Variants in PEX7 observed in about 807,000 individuals in gnomAD.
PEX7 encodes the protein PTS2 receptor.
PEX7 carries 34 observed loss-of-function variants against 47.5 expected under a neutral mutation model. The ratio of observed to expected loss-of-function variants is 0.72; its 90% CI spans 0.54 to 0.95. The LOEUF is 0.95. PEX7 is among the 40% of genes least tolerant of loss of function. The probability of loss-of-function intolerance (pLI) is 0.00; values close to 1 mark genes in which losing one functional copy is unlikely to be tolerated. For missense variants in PEX7, 394 were observed against 400.3 expected (o/e 0.98, Z 0.13); for synonymous variants, 141 against 148.8 (o/e 0.95, Z 0.38).
At chr6:136,902,707 T>TA (rs1158716089) in intron 9 of PEX7, among the ~76,000 whole-genome samples, 5 of 152,196 alleles carry the variant, frequency 3.3e-5, no homozygotes, top group African/African-American at 1.2e-4. Flanking sequence ...ATAATACACC[T>TA]ATTTATATAA....
intron 3 of PEX7, among the ~76,000 whole-genome samples, chr6:136,840,840 T>C (rs749182355): frequency 2.0e-5 from 3 of 152,174 alleles, no homozygotes; most frequent in Non-Finnish European, 4.4e-5. Context: ...GAGCCTTTCA[T>C]CTCGGGTCTG....
Position 136,885,392 on chromosome 6 carries a change from A to G in PEX7, c.804-12750A>G, listed in dbSNP as rs140477314. Among the ~76,000 whole-genome samples the G allele has an allele frequency of 1.9e-3, 294 of 152,254 alleles. 2 individuals are homozygous for G. The highest frequency in any genetic ancestry group is 6.3e-3 in the African/African-American group (263 of 41,566). Reference sequence around the variant, plus strand: ...CCAAGCACTTAATTTTTTTAGACATATGGATTTGGGGGCAAGAAAAATATA... The same window carrying G: ...CCAAGCACTTAATTTTTTTAGACATGTGGATTTGGGGGCAAGAAAAATATA... On this transcript the variant is annotated intron_variant, in intron 8 of 9. Coordinates refer to ENST00000318471, the MANE Select transcript of PEX7 (RefSeq NM_000288.4).
intron 8 of PEX7, among the ~76,000 whole-genome samples, chr6:136,881,031 G>A (rs943834331): frequency 3.3e-5 from 5 of 152,180 alleles, no homozygotes; most frequent in African/African-American, 9.6e-5. Context: ...GAAGAAACTG[G>A]AACTGTGGAG....
chr6:136,832,857 C>T (rs1774319301), intron 3 of PEX7, among the ~76,000 whole-genome samples: 1 of 152,224 alleles, frequency 6.6e-6, no homozygotes, highest in African/African-American at 2.4e-5. Flanking sequence ...TTTGAGACCA[C>T]CTCAGCCTGA....
At chr6:136,836,552 G>A (rs1237674140) in intron 3 of PEX7, among the ~76,000 whole-genome samples, 1 of 152,136 alleles carries the variant, frequency 6.6e-6, no homozygotes, top group Non-Finnish European at 1.5e-5. Flanking sequence ...TTAATCTAAA[G>A]ATCTATCAAA....
chr6:136,862,006 A>T (rs538113341), intron 5 of PEX7, among the ~76,000 whole-genome samples: 200 of 142,416 alleles, frequency 1.4e-3, no homozygotes, highest in Non-Finnish European at 1.7e-3. Context: ...ATATATATAT[A>T]TTTTTTCTGT....
intron 5 of PEX7, among the ~76,000 whole-genome samples, chr6:136,862,975 G>A (rs1774993391): frequency 6.6e-6 from 1 of 152,196 alleles, no homozygotes; most frequent in Non-Finnish European, 1.5e-5. Context: ...GAAGGCTGGA[G>A]AAAGTCATGA....
At chr6:136,908,833 C>T (rs186239274) in intron 9 of PEX7, among the ~76,000 whole-genome samples, 1 of 152,278 alleles carries the variant, frequency 6.6e-6, no homozygotes, top group East Asian at 1.9e-4. Flanking sequence ...GGATGTATCC[C>T]ACTGCCTAGA....
chr6:136,898,312 T>C, intron 9 of PEX7, 71 bp downstream of exon 9: 1 of 929,456 alleles, frequency 1.1e-6, no homozygotes. Flanking sequence ...CATGCATTGC[T>C]TTTATGAATA....
chr6:136,880,405 G>A (rs778411266), intron 8 of PEX7, among the ~76,000 whole-genome samples: 2 of 152,094 alleles, frequency 1.3e-5, no homozygotes, highest in Non-Finnish European at 1.5e-5. Flanking sequence ...CTCATAGGAT[G>A]CACTTTCTCT....
At chr6:136,880,470 T>C (rs1455391355) in intron 8 of PEX7, among the ~76,000 whole-genome samples, 1 of 152,218 alleles carries the variant, frequency 6.6e-6, no homozygotes, top group East Asian at 1.9e-4. Flanking sequence ...CTGCCCTCTC[T>C]GTACCATTCA....
chr6:136,841,238 G>A (rs1178340525), intron 3 of PEX7, among the ~76,000 whole-genome samples: 1 of 152,118 alleles, frequency 6.6e-6, no homozygotes, highest in Non-Finnish European at 1.5e-5. Context: ...AGAGCTTGAG[G>A]TTAATGCCCA....
intron 3 of PEX7, among the ~76,000 whole-genome samples, chr6:136,842,405 T>C (rs1299259739): frequency 2.0e-5 from 3 of 152,242 alleles, no homozygotes; most frequent in Non-Finnish European, 4.4e-5. Flanking sequence ...AGAAGACAGC[T>C]GACAGCAACA....
chr6:136,838,201 A>C (rs1774429954), intron 3 of PEX7, among the ~76,000 whole-genome samples: 1 of 152,216 alleles, frequency 6.6e-6, no homozygotes. Flanking sequence ...AGGATCACTA[A>C]AAGTGGGTCA....
Position 136,830,149 on chromosome 6 carries a change from T to A in PEX7, c.339+3680T>A, listed in dbSNP as rs912980902. 37 of 666,106 alleles carry A rather than the reference T, an allele frequency of 5.6e-5. 2 individuals carry two copies. Among genetic ancestry groups the A allele is most frequent in the South Asian group, 3.0e-4 (18 of 60,666 alleles). The allele number at this position is 666,106 out of a possible 1,614,324, so 41.3% of individuals were successfully genotyped here. A position where few individuals can be genotyped will look rare whatever the true frequency, so the allele number is the denominator to read the frequency against. ...TCCCAGCTTTGTAAGTTACCTGTTGTGAGACCTTGCGTATGTCACATATTT... is the reference window on the plus strand; with the variant it reads ...TCCCAGCTTTGTAAGTTACCTGTTGAGAGACCTTGCGTATGTCACATATTT... On this transcript the variant is annotated intron_variant, in intron 3 of 9. Coordinates refer to ENST00000318471, the MANE Select transcript of PEX7 (RefSeq NM_000288.4).
At chr6:136,877,987 T>G (rs1368038237) in intron 8 of PEX7, among the ~76,000 whole-genome samples, 1 of 152,200 alleles carries the variant, frequency 6.6e-6, no homozygotes, top group Non-Finnish European at 1.5e-5. Context: ...CCTTGAGCAG[T>G]GGTTTGTAGT....
Position 136,900,532 on chromosome 6 carries a change from G to C in PEX7, c.903+2291G>C. On this transcript the variant is annotated intron_variant, in intron 9 of 9. Coordinates refer to ENST00000318471, the MANE Select transcript of PEX7 (RefSeq NM_000288.4). This position sits in a 1 kb window ranked among gnomAD's most constrained non-coding sequence, Gnocchi z 4.2. ...GGTCCTGATAGCTTCCACCATCTTA[G>C]CCAAAGCCCTTTTGTCTTCCGAGTT... 2 of 467,026 alleles carry C rather than the reference G, an allele frequency of 4.3e-6. No homozygotes were observed. The highest frequency in any genetic ancestry group is 3.1e-5 in the South Asian group (2 of 63,792). 28.9% of individuals were successfully genotyped at this position (467,026 alleles called of 1,614,324 possible). A position where few individuals can be genotyped will look rare whatever the true frequency, so the allele number is the denominator to read the frequency against.
chr6:136,889,227 A>G (rs1775517092), intron 8 of PEX7, among the ~76,000 whole-genome samples: 1 of 152,188 alleles, frequency 6.6e-6, no homozygotes, highest in Admixed American at 6.5e-5. Flanking sequence ...AGATCTTTTC[A>G]TGAAGTGAAG....
At chr6:136,849,239 CCTTTT>C (rs1292901038) in intron 5 of PEX7, among the ~76,000 whole-genome samples, 1 of 151,686 alleles carries the variant, frequency 6.6e-6, no homozygotes, top group African/African-American at 2.4e-5. Flanking sequence ...GATTCTTCTC[CCTTTT>C]CTTCTTTATT....
Sources: allele counts gnomAD v4.1 joint callset (sites outside exome capture counted in the v4.1 genomes callset), GRCh38; gene constraint gnomAD v4.1.1; non-coding constraint Gnocchi (gnomAD v3.1); transcripts MANE v1.5; gene names NCBI Gene and HGNC (gene_info 2026-07-23, HGNC 2026-07-21).